RAPGEF4: variants seen among roughly 807,000 people sequenced by gnomAD.
RAPGEF4 encodes Rap guanine nucleotide exchange factor 4.
RAPGEF4 carries 66 observed loss-of-function variants against 147.9 expected under a neutral mutation model. That is an observed-to-expected ratio of 0.45 (90% CI 0.37 to 0.55). RAPGEF4 has a LOEUF of 0.55. Among genes scored for constraint, RAPGEF4 ranks in the 20% least tolerant of loss-of-function variants. RAPGEF4 has a pLI of 0.00. For synonymous variants in RAPGEF4, 419 were observed against 442.7 expected, an observed-to-expected ratio of 0.95 and a Z score of 0.67; for missense variants, 1,071 against 1,257.3, an observed-to-expected ratio of 0.85 and a Z score of 2.24.
intron 4 of RAPGEF4, among the ~76,000 whole-genome samples, chr2:172,908,231 T>C (rs1699801082): frequency 6.6e-6 from 1 of 152,220 alleles, no homozygotes; most frequent in African/African-American, 2.4e-5. Flanking sequence ...AGCTTTCTAC[T>C]CCATAATATA....
intron 2 of RAPGEF4, among the ~76,000 whole-genome samples, chr2:172,796,966 C>G (rs62168121): frequency 0.19 from 28,744 of 152,040 alleles, 3,487 homozygotes; most frequent in Middle Eastern, 0.32. Flanking sequence ...ATCTAAATAC[C>G]TAAATATTTT....
intron 29 of RAPGEF4, 98 bp from the exon 30 acceptor site, chr2:173,048,502 A>G: frequency 6.5e-7 from 1 of 1,544,248 alleles, no homozygotes; most frequent in Non-Finnish European, 8.7e-7. Flanking sequence ...GTCACTTCTC[A>G]TGGTACCAAG....
intron 4 of RAPGEF4, among the ~76,000 whole-genome samples, chr2:172,868,727 G>A (rs551430296): frequency 2.6e-5 from 4 of 152,330 alleles, no homozygotes; most frequent in South Asian, 2.1e-4. Flanking sequence ...AAAGGGGAAC[G>A]TGTGTGTTAG....
intron 4 of RAPGEF4, among the ~76,000 whole-genome samples, chr2:172,862,013 C>T (rs549068861): frequency 1.3e-5 from 2 of 152,280 alleles, no homozygotes; most frequent in African/African-American, 4.8e-5. Context: ...TTGTCAACAG[C>T]GGCAATGGCC....
At chr2:173,035,274 C>A (rs748584270) in intron 27 of RAPGEF4, among the ~76,000 whole-genome samples, 56 of 151,664 alleles carry the variant, frequency 3.7e-4, no homozygotes, top group Non-Finnish European at 5.7e-4. Context: ...TTTGGGAGGC[C>A]GAGGCGGGCA....
At chr2:172,850,394 G>C (rs1330008288) in intron 4 of RAPGEF4, among the ~76,000 whole-genome samples, 1 of 152,062 alleles carries the variant, frequency 6.6e-6, no homozygotes, top group Non-Finnish European at 1.5e-5. Flanking sequence ...GAGGTGGGTG[G>C]ATCACAAGGT....
chr2:172,779,059 T>C (rs533237530), intron 1 of RAPGEF4, among the ~76,000 whole-genome samples: 5 of 152,352 alleles, frequency 3.3e-5, no homozygotes, highest in African/African-American at 1.2e-4. Context: ...CATTCTCATG[T>C]ACAAATAAAA....
intron 25 of RAPGEF4, among the ~76,000 whole-genome samples, chr2:173,029,674 T>C (rs1279558899): frequency 2.0e-5 from 3 of 152,156 alleles, no homozygotes; most frequent in Non-Finnish European, 4.4e-5. Context: ...CCTTATAAGT[T>C]GATATTTTTC....
chr2:172,992,502 C>T (rs1692929045), intron 15 of RAPGEF4, among the ~76,000 whole-genome samples: 1 of 152,182 alleles, frequency 6.6e-6, no homozygotes, highest in African/African-American at 2.4e-5. Context: ...TTCTCCTTAA[C>T]CTAGAAACAT....
chr2:172,959,471 G>A (rs780995148), intron 6 of RAPGEF4, among the ~76,000 whole-genome samples: 6 of 152,086 alleles, frequency 3.9e-5, no homozygotes, highest in South Asian at 2.1e-4. Context: ...CCCTTTTGCC[G>A]TGTAACCTGA....
chr2:173,041,861 C>T (rs982986208), intron 29 of RAPGEF4, among the ~76,000 whole-genome samples: 1 of 152,134 alleles, frequency 6.6e-6, no homozygotes, highest in African/African-American at 2.4e-5. Flanking sequence ...TGTCTGGTTC[C>T]TCGTCAGTCA....
At chr2:173,046,257 A>G (rs923233807) in intron 29 of RAPGEF4, among the ~76,000 whole-genome samples, 3 of 152,260 alleles carry the variant, frequency 2.0e-5, no homozygotes, top group Admixed American at 2.0e-4. Context: ...TCAGGGCTGG[A>G]AATTACTGAT....
At chr2:172,769,426 G>T (rs979976301) in intron 1 of RAPGEF4, among the ~76,000 whole-genome samples, 2 of 152,190 alleles carry the variant, frequency 1.3e-5, no homozygotes, top group Admixed American at 6.5e-5. Context: ...GACAAAGTCT[G>T]TCTGAGCTCT....
intron 1 of RAPGEF4, among the ~76,000 whole-genome samples, chr2:172,760,581 G>A (rs1696213003): frequency 6.6e-6 from 1 of 152,164 alleles, no homozygotes; most frequent in East Asian, 1.9e-4. Context: ...AGCCAGGCAT[G>A]GTGGCGGGTG....
rs200527120 is a variant in RAPGEF4 at position 172,952,176 on chromosome 2, A to AT, written c.538-8575dup. 8.1e-3 allele frequency among the ~76,000 whole-genome samples: 1,221 copies of AT among 151,668 alleles called. 4 individuals carry two copies. The highest frequency in any genetic ancestry group is 0.034 in the Middle Eastern group (10 of 294). The stretch of plus-strand genomic sequence containing the variant: ...CAGGCATGTGCCACCACACCAGGCT[A>AT]TTTTTTTTTAAATTAGAGATTATAA... On this transcript the variant is annotated intron_variant, in intron 6 of 30. Coordinates refer to ENST00000397081, the MANE Select transcript of RAPGEF4 (RefSeq NM_007023.4).
chr2:173,036,709 A>G lies in RAPGEF4; in HGVS notation c.2853+17A>G. 1 of 1,536,464 alleles carries G rather than the reference A, an allele frequency of 6.5e-7. No homozygotes were observed. The highest frequency in any genetic ancestry group is 8.9e-7 in the Non-Finnish European group (1 of 1,129,140). On this transcript the variant is annotated intron_variant, in intron 29 of 30. Coordinates refer to ENST00000397081, the MANE Select transcript of RAPGEF4 (RefSeq NM_007023.4). ...GAAAAAATGGTATGTGCAGTATTAT[A>G]ACCTTAACCACAATGTGTTTTTAAA... is the stretch of plus-strand genomic sequence containing the variant.
At chr2:172,779,574 A>G (rs1287993239) in intron 1 of RAPGEF4, among the ~76,000 whole-genome samples, 2 of 152,194 alleles carry the variant, frequency 1.3e-5, no homozygotes, top group African/African-American at 4.8e-5. Context: ...GAGGTGGGAC[A>G]TGGGGGCCAG....
At chr2:172,874,240 C>T (rs1250685569) in intron 4 of RAPGEF4, among the ~76,000 whole-genome samples, 1 of 152,130 alleles carries the variant, frequency 6.6e-6, no homozygotes, top group South Asian at 2.1e-4. Context: ...TATAAAGACA[C>T]GTGCACGTGT....
At chr2:172,868,535 T>A (rs962854105) in intron 4 of RAPGEF4, among the ~76,000 whole-genome samples, 1 of 152,184 alleles carries the variant, frequency 6.6e-6, no homozygotes, top group South Asian at 2.1e-4. Flanking sequence ...AAGAGCCATG[T>A]GTACAGCTCT....
Sources: allele counts gnomAD v4.1 joint callset (sites outside exome capture counted in the v4.1 genomes callset), GRCh38; gene constraint gnomAD v4.1.1; transcripts MANE v1.5; gene names NCBI Gene and HGNC (gene_info 2026-07-23, HGNC 2026-07-21).